CTNNA2: variants seen among roughly 807,000 people sequenced by gnomAD.
The protein encoded by CTNNA2 is catenin alpha 2, also known as catenin alpha-2.
A neutral mutation model predicts 101.0 loss-of-function variants in CTNNA2; 42 were observed. The observed-to-expected ratio is 0.42, with a 90% CI of 0.32 to 0.54. The LOEUF is 0.54. Ranked by LOEUF, CTNNA2 falls within the 20% of genes least tolerant of loss-of-function variation. The pLI is 0.14. For missense variants in CTNNA2, 871 were observed against 1,223.1 expected (o/e 0.71, Z 4.29); for synonymous variants, 450 against 456.4 (o/e 0.99, Z 0.18).
chr2:79,205,619 G>A (rs1259276800), intron 2 of CTNNA2, among the ~76,000 whole-genome samples: 1 of 152,110 alleles, frequency 6.6e-6, no homozygotes, highest in East Asian at 1.9e-4. Context: ...CTTTTCAACA[G>A]GAAAGTCTGA....
chr2:79,770,128 A>AG (rs950375182), intron 3 of CTNNA2, among the ~76,000 whole-genome samples: 4 of 152,126 alleles, frequency 2.6e-5, no homozygotes, highest in Non-Finnish European at 5.9e-5. Context: ...TCTACCATCT[A>AG]GGGGGTAGAA....
At chr2:79,206,715 G>C (rs148502237) in intron 2 of CTNNA2, among the ~76,000 whole-genome samples, 3 of 152,332 alleles carry the variant, frequency 2.0e-5, no homozygotes, top group African/African-American at 4.8e-5. Context: ...TTTGTTGGAA[G>C]CAGCCATCCT....
intron 3 of CTNNA2, among the ~76,000 whole-genome samples, chr2:79,333,091 A>T (rs188203952): frequency 6.6e-6 from 1 of 152,218 alleles, no homozygotes; most frequent in Admixed American, 6.5e-5. Context: ...AATTTTAAAA[A>T]TCAAGATGGA....
intron 7 of CTNNA2, among the ~76,000 whole-genome samples, chr2:80,083,330 C>T (rs932332513): frequency 6.6e-6 from 1 of 152,078 alleles, no homozygotes; most frequent in African/African-American, 2.4e-5. Context: ...GTTACGGGAA[C>T]ATTGTTTTAA....
intron 7 of CTNNA2, among the ~76,000 whole-genome samples, chr2:79,974,897 G>C (rs1690728257): frequency 2.0e-5 from 3 of 152,132 alleles, no homozygotes; most frequent in Admixed American, 2.0e-4. Flanking sequence ...AGATTAGGTA[G>C]CTCTGAAAGG....
chr2:79,632,886 T>C (rs549938553), intron 1 of CTNNA2, among the ~76,000 whole-genome samples: 28 of 152,338 alleles, frequency 1.8e-4, no homozygotes, highest in African/African-American at 6.3e-4. Flanking sequence ...AGTCTCTGTC[T>C]CAATTACTCA....
intron 1 of CTNNA2, among the ~76,000 whole-genome samples, chr2:79,535,066 G>A (rs1033757588): frequency 2.6e-5 from 4 of 151,858 alleles, no homozygotes; most frequent in African/African-American, 7.3e-5. Flanking sequence ...TTTAAAAGGC[G>A]GTGAAATAAA....
chr2:80,250,429 T>C (rs1449295066), intron 7 of CTNNA2, among the ~76,000 whole-genome samples: 2 of 152,040 alleles, frequency 1.3e-5, no homozygotes, highest in Non-Finnish European at 1.5e-5. Flanking sequence ...AACGCAAAGA[T>C]AGAAGAGAAG....
chr2:79,306,427 A>G (rs1487619157), intron 2 of CTNNA2, among the ~76,000 whole-genome samples: 1 of 152,248 alleles, frequency 6.6e-6, no homozygotes, highest in Non-Finnish European at 1.5e-5. Context: ...CAAAATGTAT[A>G]CATATATCAA....
intron 4 of CTNNA2, among the ~76,000 whole-genome samples, chr2:79,865,928 C>T (rs937639703): frequency 4.6e-5 from 7 of 152,176 alleles, no homozygotes; most frequent in African/African-American, 1.4e-4. Flanking sequence ...ACTGTGTTAG[C>T]CAGGATGGTC....
chr2:79,513,455 A>G (rs1213114099), intron 1 of CTNNA2, among the ~76,000 whole-genome samples: 1 of 151,654 alleles, frequency 6.6e-6, no homozygotes, highest in Non-Finnish European at 1.5e-5. Flanking sequence ...CACTCGCCCT[A>G]GAGCACAGCT....
intron 7 of CTNNA2, among the ~76,000 whole-genome samples, chr2:80,246,515 T>C (rs1200146774): frequency 1.3e-5 from 2 of 152,216 alleles, no homozygotes; most frequent in African/African-American, 4.8e-5. Flanking sequence ...TGGATGTAGG[T>C]CTTTGTCAAA....
chr2:79,980,196 C>T (rs1319727132), intron 7 of CTNNA2, among the ~76,000 whole-genome samples: 1 of 152,110 alleles, frequency 6.6e-6, no homozygotes, highest in Non-Finnish European at 1.5e-5. Flanking sequence ...AGAAAAGCAT[C>T]CTGGAGAATC....
At chr2:79,872,513 A>G (rs1682669397) in intron 5 of CTNNA2, among the ~76,000 whole-genome samples, 1 of 152,190 alleles carries the variant, frequency 6.6e-6, no homozygotes, top group African/African-American at 2.4e-5. Context: ...AGTAGAGAAT[A>G]CATTCAAATA....
intron 1 of CTNNA2, among the ~76,000 whole-genome samples, chr2:79,551,626 A>G (rs953611210): frequency 6.6e-6 from 1 of 152,126 alleles, no homozygotes; most frequent in African/African-American, 2.4e-5. Flanking sequence ...TGCTATAAAG[A>G]ATTACCTGTG....
chr2:79,787,347 A>G (rs1366944398), intron 3 of CTNNA2, among the ~76,000 whole-genome samples: 1 of 152,116 alleles, frequency 6.6e-6, no homozygotes, highest in East Asian at 1.9e-4. Flanking sequence ...AGGGGAGCCC[A>G]GTGAGTTAGC....
chr2:80,398,155 C>A (rs954798767), intron 8 of CTNNA2, among the ~76,000 whole-genome samples: 4 of 152,076 alleles, frequency 2.6e-5, no homozygotes, highest in African/African-American at 9.7e-5. Flanking sequence ...GGTATCTGGC[C>A]TCTCAAAACA....
At chr2:80,599,390 A>G (rs926093396) in intron 15 of CTNNA2, among the ~76,000 whole-genome samples, 13 of 152,110 alleles carry the variant, frequency 8.5e-5, no homozygotes, top group African/African-American at 3.1e-4. Flanking sequence ...AGAACATGCT[A>G]CCCTTGCTAC....
At chr2:79,469,953 C>T (rs953097924) in intron 4 of CTNNA2, among the ~76,000 whole-genome samples, 4 of 152,046 alleles carry the variant, frequency 2.6e-5, no homozygotes, top group Non-Finnish European at 5.9e-5. Flanking sequence ...GGAAACATTC[C>T]CTTTGAAAAC....
Sources: allele counts gnomAD v4.1 joint callset (sites outside exome capture counted in the v4.1 genomes callset), GRCh38; gene constraint gnomAD v4.1.1; transcripts MANE v1.5; gene names NCBI Gene and HGNC (gene_info 2026-07-23, HGNC 2026-07-21).